KIAA0825: variants seen among roughly 807,000 people sequenced by gnomAD.
KIAA0825 encodes KIAA0825, also known as uncharacterized protein KIAA0825.
Under a neutral mutation model 147.6 loss-of-function variants are expected in KIAA0825, and 119 were observed. That is an observed-to-expected ratio of 0.81 (90% confidence interval 0.69 to 0.94). The LOEUF is 0.94. Ranked by LOEUF, KIAA0825 falls within the 40% of genes least tolerant of loss-of-function variation. The pLI, the probability that KIAA0825 is intolerant of heterozygous loss-of-function variation, is 0.00. For missense variants in KIAA0825, 1,381 were observed against 1,472.7 expected, an observed-to-expected ratio of 0.94 and a Z score of 1.02; for synonymous variants, 470 against 518.1, an observed-to-expected ratio of 0.91 and a Z score of 1.26.
rs371109262 is a variant in KIAA0825, at chr5:94,189,157, T to C, written c.3711-35033A>G. On this transcript the variant is annotated intron_variant, in intron 20 of 20. Coordinates refer to ENST00000682413, the MANE Select transcript of KIAA0825 (RefSeq NM_001145678.3). ...GAGTTGTAAGAGTTCTTTATACATG[T>C]TGGATTCGAGCCTTTTGTCAAGAAT... Among the ~76,000 whole-genome samples the C allele has an allele frequency of 9.8e-5, 15 of 152,328 alleles. 1 individual carries two copies. Among genetic ancestry groups the C allele is most frequent in the African/African-American group, 3.6e-4 (15 of 41,584 alleles).
chr5:94,612,145 A>G (rs142745923), intron 1 of KIAA0825, among the ~76,000 whole-genome samples: 22 of 152,286 alleles, frequency 1.4e-4, no homozygotes, highest in African/African-American at 5.3e-4. Context: ...ATAAAATATA[A>G]GAAGATAGTG....
intron 3 of KIAA0825, among the ~76,000 whole-genome samples, chr5:94,531,592 G>T (rs1770818879): frequency 1.3e-5 from 2 of 152,178 alleles, no homozygotes; most frequent in Admixed American, 1.3e-4. Context: ...TGCTGGAAAG[G>T]CCCAGTCAGA....
chr5:94,213,580 G>A (rs1772938061), intron 20 of KIAA0825, among the ~76,000 whole-genome samples: 1 of 152,002 alleles, frequency 6.6e-6, no homozygotes, highest in African/African-American at 2.4e-5. Context: ...CTTTATGATG[G>A]GACCCAGACT....
At chr5:94,196,116 C>T (rs550708003) in intron 20 of KIAA0825, among the ~76,000 whole-genome samples, 9 of 152,286 alleles carry the variant, frequency 5.9e-5, no homozygotes, top group African/African-American at 2.2e-4. Context: ...TCCCTTACTC[C>T]TTAGCCAGGT....
chr5:94,533,265 A>ACCACATC (rs1186282581), intron 3 of KIAA0825, among the ~76,000 whole-genome samples: 1 of 145,886 alleles, frequency 6.9e-6, no homozygotes. Flanking sequence ...GGCATGAGCC[A>ACCACATC]CTGTGCCCGG....
intron 14 of KIAA0825, among the ~76,000 whole-genome samples, chr5:94,430,470 A>C (rs186677325): frequency 6.6e-6 from 1 of 152,330 alleles, no homozygotes; most frequent in Non-Finnish European, 1.5e-5. Flanking sequence ...CTTTCAAGAA[A>C]TAATGGCTCT....
At chr5:94,278,986 T>C (rs930816155) in intron 20 of KIAA0825, among the ~76,000 whole-genome samples, 1 of 152,090 alleles carries the variant, frequency 6.6e-6, no homozygotes, top group Non-Finnish European at 1.5e-5. Flanking sequence ...ACAATTACTT[T>C]ATTTTTATCA....
chr5:94,277,462 A>G (rs967409954), intron 20 of KIAA0825, among the ~76,000 whole-genome samples: 1 of 152,200 alleles, frequency 6.6e-6, no homozygotes, highest in African/African-American at 2.4e-5. Flanking sequence ...ATGAACAGAC[A>G]CTTCTCAAAA....
At chr5:94,497,042 T>A (rs1449277734) in intron 5 of KIAA0825, among the ~76,000 whole-genome samples, 3 of 152,166 alleles carry the variant, frequency 2.0e-5, no homozygotes, top group African/African-American at 7.2e-5. Context: ...CGGCATTAAT[T>A]AACAGTTACC....
At chr5:94,267,444 G>A (rs1272918754) in intron 20 of KIAA0825, among the ~76,000 whole-genome samples, 1 of 152,026 alleles carries the variant, frequency 6.6e-6, no homozygotes, top group Non-Finnish European at 1.5e-5. Flanking sequence ...ATAGCCTTGA[G>A]CACAAGGTTC....
At chr5:94,475,301 T>C (rs577053036) in intron 7 of KIAA0825, among the ~76,000 whole-genome samples, 3 of 152,342 alleles carry the variant, frequency 2.0e-5, no homozygotes, top group South Asian at 4.1e-4. Context: ...AGGGCATGTC[T>C]ATTTACTAAA....
intron 14 of KIAA0825, among the ~76,000 whole-genome samples, chr5:94,433,800 A>AAATTAATATT (rs1351475120): frequency 6.6e-6 from 1 of 152,220 alleles, no homozygotes; most frequent in Non-Finnish European, 1.5e-5. Context: ...ATTATATTAC[A>AAATTAATATT]AATTAATATT....
At chr5:94,503,110 G>A (rs1053665255) in intron 5 of KIAA0825, among the ~76,000 whole-genome samples, 1 of 149,148 alleles carries the variant, frequency 6.7e-6, no homozygotes, top group African/African-American at 2.5e-5. Flanking sequence ...TATAAAATTA[G>A]CATAACTTTC....
chr5:94,604,084 G>C (rs1276329241), intron 1 of KIAA0825, among the ~76,000 whole-genome samples: 2 of 152,204 alleles, frequency 1.3e-5, no homozygotes, highest in African/African-American at 4.8e-5. Context: ...AAACCTGATA[G>C]ATATCTACAG....
rs537773127 is a variant in KIAA0825 at position 94,503,581 on chromosome 5, T to C, written c.970+16667A>G. Among the ~76,000 whole-genome samples, 12 of 152,304 alleles carry C rather than the reference T, an allele frequency of 7.9e-5. No homozygotes were observed. The East Asian group carries it at 1.5e-3, about 20-fold the overall frequency. On this transcript the variant is annotated intron_variant, in intron 5 of 20. Coordinates refer to ENST00000682413, the MANE Select transcript of KIAA0825 (RefSeq NM_001145678.3). ...ATCAGGACACATGTCCTCACCAGAA[T>C]AGAATGTTGCTGACAGGAATGTCTC...
At chr5:94,552,307 T>C (rs1775696956) in intron 2 of KIAA0825, among the ~76,000 whole-genome samples, 1 of 152,066 alleles carries the variant, frequency 6.6e-6, no homozygotes, top group African/African-American at 2.4e-5. Context: ...CAGACTGCAA[T>C]GCAATAATAG....
intron 5 of KIAA0825, among the ~76,000 whole-genome samples, chr5:94,494,130 A>G (rs185405127): frequency 2.2e-3 from 332 of 152,232 alleles, no homozygotes; most frequent in African/African-American, 7.5e-3. Context: ...CCCTTTTATG[A>G]TTCCCAGGCC....
chr5:94,260,679 T>C (rs1241362716), intron 20 of KIAA0825, among the ~76,000 whole-genome samples: 2 of 152,188 alleles, frequency 1.3e-5, no homozygotes, highest in African/African-American at 4.8e-5. Context: ...ATTTTTCTTC[T>C]TGAATGAAGA....
intron 12 of KIAA0825, 112 bp downstream of exon 12, chr5:94,462,275 C>G (rs964734393): frequency 1.6e-6 from 1 of 619,788 alleles, no homozygotes; most frequent in Non-Finnish European, 2.6e-6. Flanking sequence ...CAAAAATGCA[C>G]TTCAGAAGAT....
Sources: gnomAD v4.1 joint callset for allele counts (sites outside exome capture counted in the v4.1 genomes callset) on GRCh38, gnomAD v4.1.1 for gene constraint, MANE v1.5 for transcripts, NCBI Gene and HGNC (gene_info 2026-07-23, HGNC 2026-07-21) for gene names.